The following FRMD4B variants were observed in gnomAD, a reference collection of about 807,000 sequenced individuals.
FRMD4B encodes FERM domain containing 4B.
FRMD4B carries 74 observed loss-of-function variants against 141.5 expected under a neutral mutation model. The observed-to-expected ratio is 0.52, with a 90% CI of 0.43 to 0.63. The LOEUF (loss-of-function observed/expected upper bound fraction) is 0.63, where lower values mean the gene tolerates loss of function less well. Among genes scored for constraint, FRMD4B ranks in the 30% least tolerant of loss-of-function variants. FRMD4B has a pLI of 0.00. For synonymous variants in FRMD4B, 506 were observed against 467.9 expected, an observed-to-expected ratio of 1.08 and a Z score of -1.05; for missense variants, 1,366 against 1,253.4, an observed-to-expected ratio of 1.09 and a Z score of -1.36.
chr3:69,455,478 T>C (rs910296023), intron 1 of FRMD4B, among the ~76,000 whole-genome samples: 9 of 152,124 alleles, frequency 5.9e-5, no homozygotes, highest in African/African-American at 2.2e-4. Context: ...CCTTGAGAGC[T>C]GTAAGGCTCA....
At chr3:69,255,890 G>A (rs1259099261) in intron 5 of FRMD4B, among the ~76,000 whole-genome samples, 2 of 152,164 alleles carry the variant, frequency 1.3e-5, no homozygotes, top group Non-Finnish European at 2.9e-5. Context: ...TGTATCCACT[G>A]CTGAGCAGAG....
chr3:69,245,840 T>TTTTG (rs1183259370), intron 7 of FRMD4B, among the ~76,000 whole-genome samples: 1 of 137,244 alleles, frequency 7.3e-6, no homozygotes, highest in Non-Finnish European at 1.5e-5. Flanking sequence ...ATTTGTTTTT[T>TTTTG]TTTTTTTTTT....
At chr3:69,485,173 C>T (rs560287530) in intron 1 of FRMD4B, among the ~76,000 whole-genome samples, 27 of 152,328 alleles carry the variant, frequency 1.8e-4, no homozygotes, top group African/African-American at 4.8e-4. Flanking sequence ...GTCAGCACTG[C>T]TCTGTGGGTG....
chr3:69,432,195 A>G (rs528612344), intron 2 of FRMD4B, among the ~76,000 whole-genome samples: 2 of 152,230 alleles, frequency 1.3e-5, no homozygotes, highest in Admixed American at 1.3e-4. Flanking sequence ...AAAAGAATCA[A>G]TTGTTTGCTT....
chr3:69,392,484 G>A (rs532307196), intron 2 of FRMD4B, among the ~76,000 whole-genome samples: 1 of 152,260 alleles, frequency 6.6e-6, no homozygotes, highest in Admixed American at 6.5e-5. Context: ...TAGAACATAA[G>A]GGAAAAGGGC....
chr3:69,265,232 G>A (rs552595982), intron 5 of FRMD4B, among the ~76,000 whole-genome samples: 3 of 105,164 alleles, frequency 2.9e-5, no homozygotes, highest in Non-Finnish European at 5.3e-5. Context: ...TCCAGCCTGG[G>A]CAACACAGCG....
At chr3:69,501,239 T>C (rs1347962370) in intron 1 of FRMD4B, among the ~76,000 whole-genome samples, 1 of 151,308 alleles carries the variant, frequency 6.6e-6, no homozygotes, top group East Asian at 1.9e-4. Context: ...TTTTTTTTTT[T>C]TTTTTTTTTT....
In FRMD4B at chr3:69,437,805, T is replaced by A. The variant is rs552676021; in HGVS notation, c.-128-5044A>T. On this transcript the variant is annotated intron_variant, in intron 1 of 5. Transcript: ENST00000459638. ...ATACTATATTTATATATATTTATAT[T>A]TTTATATATACTATATATATTTATA... Among the ~76,000 whole-genome samples, 12 of 126,306 alleles carry A rather than the reference T, an allele frequency of 9.5e-5. No homozygotes were observed. In the South Asian group the frequency reaches 2.5e-3, roughly 27 times the overall value. 82.9% of individuals were successfully genotyped at this position (126,306 alleles called of 152,430 possible).
At chr3:69,308,913 A>G in intron 3 of FRMD4B, among the ~76,000 whole-genome samples, 1 of 152,154 alleles carries the variant, frequency 6.6e-6, no homozygotes, top group South Asian at 2.1e-4. Flanking sequence ...CTAAAACTGA[A>G]CCCAAGTTTT....
At chr3:69,289,538 G>A (rs1254921533) in intron 4 of FRMD4B, among the ~76,000 whole-genome samples, 2 of 152,216 alleles carry the variant, frequency 1.3e-5, no homozygotes, top group Non-Finnish European at 2.9e-5. Flanking sequence ...GCTCACGCCT[G>A]TAATCCCAGC....
chr3:69,230,643 G>A (rs2093298003), intron 7 of FRMD4B, among the ~76,000 whole-genome samples: 1 of 151,980 alleles, frequency 6.6e-6, no homozygotes. Context: ...AGCTACTTGG[G>A]AGGCTGAGGC....
Position 69,181,701 on chromosome 3 carries a change from A to C in FRMD4B, c.2049T>G (p.Ser683=). Residue 683 remains serine (S), a synonymous_variant, in exon 21 of 23, where the codon TCT becomes TCG. Coordinates refer to ENST00000398540, the MANE Select transcript of FRMD4B (RefSeq NM_015123.3). ...AYSSSHLEPE[S]SSQHCRQRSG... Reference sequence around the variant, plus strand: ...TCCGCTGGCGGCAGTGCTGAGATGAAGATTCGGGTCTGAAAGAGGAGAAAG... The same window carrying C: ...TCCGCTGGCGGCAGTGCTGAGATGACGATTCGGGTCTGAAAGAGGAGAAAG... 2.5e-6 allele frequency: 4 copies of C among 1,608,922 alleles called. No homozygotes were observed. Among genetic ancestry groups the C allele is most frequent in the Non-Finnish European group, 2.5e-6 (3 of 1,176,938 alleles).
At chr3:69,278,075 C>CTTGT (rs1559772793) in intron 5 of FRMD4B, among the ~76,000 whole-genome samples, 4 of 151,900 alleles carry the variant, frequency 2.6e-5, no homozygotes, top group Non-Finnish European at 5.9e-5. Flanking sequence ...AGGCTGGTCT[C>CTTGT]GAACTCCTGT....
chr3:69,359,553 G>C (rs140686766), intron 1 of FRMD4B, among the ~76,000 whole-genome samples: 2,241 of 152,264 alleles, frequency 0.015, 61 homozygotes, highest in African/African-American at 0.049. Context: ...CTATGTCCAG[G>C]AAAAACAACC....
At chr3:69,486,373 C>T (rs973878642) in intron 1 of FRMD4B, among the ~76,000 whole-genome samples, 2 of 152,148 alleles carry the variant, frequency 1.3e-5, no homozygotes, top group African/African-American at 4.8e-5. Context: ...CGCCCCTCTC[C>T]CACTCCTCCC....
chr3:69,420,810 C>T (rs988960753), intron 2 of FRMD4B, among the ~76,000 whole-genome samples: 2 of 152,158 alleles, frequency 1.3e-5, no homozygotes, highest in Non-Finnish European at 2.9e-5. Context: ...GCCAAAAGCC[C>T]TTTGGAAAAA....
Position 69,171,527 on chromosome 3 carries a change from T to G in FRMD4B, c.*334A>C. 1 of 191,610 alleles carries G rather than the reference T, an allele frequency of 5.2e-6. No homozygotes were observed. Among genetic ancestry groups the G allele is most frequent in the Non-Finnish European group, 1.1e-5 (1 of 93,752 alleles). The allele number at this position is 191,610 out of a possible 1,614,324, so 11.9% of individuals were successfully genotyped here. On this transcript the variant is annotated 3_prime_UTR_variant, in exon 23 of 23. Transcript: ENST00000398540. ...GGACATCCTGAATGCCCTTTCATGT[T>G]TTTGAGGTTTGCCTTTAACAACTTT...
intron 2 of FRMD4B, among the ~76,000 whole-genome samples, chr3:69,419,977 C>T (rs1704942249): frequency 6.6e-6 from 1 of 152,204 alleles, no homozygotes; most frequent in Non-Finnish European, 1.5e-5. Context: ...CTGCCTCAGC[C>T]TCCGGAGTAG....
chr3:69,178,038 C>T lies in FRMD4B; in HGVS notation c.2852-1382G>A, dbSNP rs571342770. ...ACAAGACAAGGACATAATTTGGGAG[C>T]GAAGCCCAACAAATGCCTCATCACT... On this transcript the variant is annotated intron_variant, in intron 21 of 22. Coordinates refer to ENST00000398540, the MANE Select transcript of FRMD4B (RefSeq NM_015123.3). 9.2e-5 allele frequency among the ~76,000 whole-genome samples: 14 copies of T among 152,280 alleles called. No homozygotes were observed. The South Asian group carries it at 1.4e-3, about 16-fold the overall frequency.
Sources: gnomAD v4.1 joint callset for allele counts (sites outside exome capture counted in the v4.1 genomes callset) on GRCh38, gnomAD v4.1.1 for gene constraint, MANE v1.5 for transcripts, NCBI Gene and HGNC (gene_info 2026-07-23, HGNC 2026-07-21) for gene names.